The following OR52E5 variants were observed in gnomAD, a reference collection of about 807,000 sequenced individuals.
OR52E5 encodes the protein olfactory receptor family 52 subfamily E member 5.
At position 5,900,351 on chromosome 11, in the gene OR52E5, C is replaced by T. The variant is rs140330680; in HGVS notation, c.-145-281C>T. Among the ~76,000 whole-genome samples, 905 of 142,224 alleles carry T rather than the reference C, an allele frequency of 6.4e-3. 10 individuals carry two copies. Among genetic ancestry groups the T allele is most frequent in the Non-Finnish European group, 6.4e-3 (422 of 65,870 alleles). The allele number at this position is 142,224 out of a possible 152,430, so 93.3% of individuals were successfully genotyped here. On this transcript the variant is annotated intron_variant, in intron 2 of 2. Transcript: ENST00000610445. ...TATCATTCCTCTTATCATTTTCCTCCTCAATCTCAGTCCAGTGACATTTTA... is the reference window on the plus strand; with the variant it reads ...TATCATTCCTCTTATCATTTTCCTCTTCAATCTCAGTCCAGTGACATTTTA...
chr11:5,895,892 T>C (rs887438986), intron 2 of OR52E5, among the ~76,000 whole-genome samples, 179 bp downstream of exon 2: 6 of 151,786 alleles, frequency 4.0e-5, no homozygotes, highest in African/African-American at 1.5e-4. Flanking sequence ...CTACTAAAAA[T>C]ACAAAAATTA....
intron 1 of OR52E5, among the ~76,000 whole-genome samples, chr11:5,894,202 T>C (rs1847142014): frequency 6.6e-6 from 1 of 152,280 alleles, no homozygotes; most frequent in South Asian, 2.1e-4. Flanking sequence ...GTGGTAGATA[T>C]TCGCCAGTGG....
At chr11:5,898,312 A>C (rs1210488973) in intron 2 of OR52E5, among the ~76,000 whole-genome samples, 1 of 152,048 alleles carries the variant, frequency 6.6e-6, no homozygotes, top group African/African-American at 2.4e-5. Flanking sequence ...TAATTATTTA[A>C]GTCCTTATTG....
chr11:5,902,729 G>A lies in OR52E5; in HGVS notation c.*969G>A, dbSNP rs1847273226. On this transcript the variant is annotated 3_prime_UTR_variant, in exon 3 of 3. Transcript: ENST00000610445. The stretch of plus-strand genomic sequence containing the variant: ...CAATTTATTTCTTTGGGTATTCTAG[G>A]AGCTGCAAAAATGTGAAGTTGGCTC... 6.6e-6 allele frequency: 1 copy of A among 152,122 alleles called. No individual in the cohort carries two copies. The highest frequency in any genetic ancestry group is 2.4e-5 in the African/African-American group (1 of 41,410). The allele number at this position is 152,122 out of a possible 1,614,324, so 9.4% of individuals were successfully genotyped here.
rs1847246106 is a variant in OR52E5, at chr11:5,901,169, CCT to C, written c.394_395del (p.Leu132GlufsTer3). On this transcript the variant is annotated frameshift_variant, in exon 3 of 3. Transcript: ENST00000610445. LOFTEE classifies it low-confidence loss of function (END_TRUNC). ...IDRYIAICNP[L>X]RYSMILTNKV... The stretch of plus-strand genomic sequence containing the variant: ...ATCGCTATATTGCCATCTGCAACCC[CCT>C]GAGATATAGCATGATCCTTACCAAC... The C allele has an allele frequency of 2.5e-6, 1 of 401,510 alleles. No homozygotes were observed. The highest frequency in any genetic ancestry group is 4.4e-6 in the Non-Finnish European group (1 of 226,352). The allele number at this position is 401,510 out of a possible 1,614,324, so 24.9% of individuals were successfully genotyped here. A position where few individuals can be genotyped will look rare whatever the true frequency, so the allele number is the denominator to read the frequency against.
intron 1 of OR52E5, among the ~76,000 whole-genome samples, chr11:5,893,852 T>A (rs1847137900): frequency 6.6e-6 from 1 of 152,104 alleles, no homozygotes; most frequent in Non-Finnish European, 1.5e-5. Flanking sequence ...GTGGGACAAC[T>A]TAGAGAGATC....
chr11:5,899,620 G>A (rs555625808), intron 2 of OR52E5, among the ~76,000 whole-genome samples: 169 of 152,230 alleles, frequency 1.1e-3, no homozygotes, highest in African/African-American at 3.8e-3. Context: ...GGCACTGCCC[G>A]AATCTGACTA....
chr11:5,898,173 A>G (rs539522878), intron 2 of OR52E5, among the ~76,000 whole-genome samples: 1 of 152,106 alleles, frequency 6.6e-6, no homozygotes, highest in South Asian at 2.1e-4. Flanking sequence ...TGTGGTTTTA[A>G]GTTGCACTTT....
intron 2 of OR52E5, among the ~76,000 whole-genome samples, chr11:5,897,393 TTC>T (rs778131579): frequency 1.1e-4 from 17 of 152,352 alleles, no homozygotes; most frequent in Non-Finnish European, 2.1e-4. Context: ...CTATTTGGTT[TTC>T]TGTTTCTGCA....
At position 5,901,473 on chromosome 11, in the gene OR52E5, C is replaced by T. The variant is rs1167973930; in HGVS notation, c.697C>T (p.Arg233Trp). ...AVFHLPAWDA[R>W]PKALSTCGSH... is the part of the protein sequence containing the mutation. ...CTTCCATCTCCCAGCCTGGGATGCC[C>T]GGCCTAAGGCACTCAGCACATGTGG... Residue 233 changes from arginine (R) to tryptophan (W), a missense_variant, in exon 3 of 3, where the codon CGG (arginine) becomes TGG (tryptophan). Physicochemically the swap from Arg to Trp is moderately radical, Grantham distance 101. Transcript: ENST00000610445. The T allele has an allele frequency of 1.7e-5, 7 of 401,582 alleles. No individual in the cohort carries two copies. Among genetic ancestry groups the T allele is most frequent in the Admixed American group, 4.4e-5 (1 of 22,692 alleles). The allele number at this position is 401,582 out of a possible 1,614,324, so 24.9% of individuals were successfully genotyped here.
chr11:5,900,292 ATTC>A (rs976860228), intron 2 of OR52E5, among the ~76,000 whole-genome samples: 41 of 152,232 alleles, frequency 2.7e-4, no homozygotes, highest in Admixed American at 9.8e-4. Flanking sequence ...CACAGAGAAT[ATTC>A]TTAATTTCTC....
At chr11:5,899,348 T>C (rs1029595445) in intron 2 of OR52E5, among the ~76,000 whole-genome samples, 2 of 152,168 alleles carry the variant, frequency 1.3e-5, no homozygotes, top group Non-Finnish European at 1.5e-5. Context: ...CAGGAAATGA[T>C]CATATCATAA....
chr11:5,896,437 A>C (rs1455952808), intron 2 of OR52E5, among the ~76,000 whole-genome samples: 1 of 150,700 alleles, frequency 6.6e-6, no homozygotes, highest in African/African-American at 2.4e-5. Flanking sequence ...AAAAAAAAAA[A>C]ATCAGAGAAG....
chr11:5,897,123 G>A (rs1044220031), intron 2 of OR52E5, among the ~76,000 whole-genome samples: 3 of 152,158 alleles, frequency 2.0e-5, no homozygotes, highest in African/African-American at 7.2e-5. Flanking sequence ...CTTTTGTATT[G>A]TAAACATAAC....
At chr11:5,895,580 T>C (rs1847162130) in intron 1 of OR52E5, 52 bp from the exon 2 acceptor site, 1 of 152,228 alleles carries the variant, frequency 6.6e-6, no homozygotes, top group Non-Finnish European at 1.5e-5. Context: ...TCTTTGTAAA[T>C]AGCCATGAAT....
rs56197568 is a variant in OR52E5, at chr11:5,896,246, T to TAA, written c.-146+557_-146+558dup. 2.8e-3 allele frequency among the ~76,000 whole-genome samples: 148 copies of TAA among 53,538 alleles called. 12 individuals carry two copies. The highest frequency in any genetic ancestry group is 0.012 in the African/African-American group (131 of 11,134). The allele number at this position is 53,538 out of a possible 152,430, so 35.1% of individuals were successfully genotyped here. The stretch of plus-strand genomic sequence containing the variant: ...TAACATGGTGAAACCTCGTCTCTAC[T>TAA]AAAAAAAAAAAAAAAAAAAAAAAAA... On this transcript the variant is annotated intron_variant, in intron 2 of 2. Coordinates refer to ENST00000610445, the MANE Select transcript of OR52E5 (RefSeq NM_001005166.5).
intron 2 of OR52E5, among the ~76,000 whole-genome samples, chr11:5,899,984 C>G (rs987001906): frequency 1.3e-5 from 2 of 152,140 alleles, no homozygotes; most frequent in Non-Finnish European, 2.9e-5. Context: ...GAGACAATTA[C>G]ACTGCCACTA....
Position 5,901,384 on chromosome 11 carries a change from T to C in OR52E5, c.608T>C (p.Phe203Ser), listed in dbSNP as rs934212570. The C allele has an allele frequency of 7.5e-6, 3 of 401,490 alleles. No homozygotes were observed. Among genetic ancestry groups the C allele is most frequent in the Admixed American group, 8.8e-5 (2 of 22,714 alleles). The allele number at this position is 401,490 out of a possible 1,614,324, so 24.9% of individuals were successfully genotyped here. A position where few individuals can be genotyped will look rare whatever the true frequency, so the allele number is the denominator to read the frequency against. ...AATGTTATATATGGATTGATTGCCT[T>C]CTCAGTGGGATACATTGACATTTCT... ...SINVIYGLIA[F>S]SVGYIDISVI... Residue 203 changes from phenylalanine to serine, a missense_variant, in exon 3 of 3, where the codon TTC becomes TCC. By Grantham distance (155) the Phe-to-Ser change is radical. Coordinates refer to ENST00000610445, the MANE Select transcript of OR52E5 (RefSeq NM_001005166.5).
chr11:5,896,597 AG>A (rs1423671632), intron 2 of OR52E5, among the ~76,000 whole-genome samples: 2 of 152,150 alleles, frequency 1.3e-5, no homozygotes, highest in Non-Finnish European at 2.9e-5. Context: ...GAGGGTCTGG[AG>A]AAATATTTCT....
Sources: allele counts gnomAD v4.1 joint callset (sites outside exome capture counted in the v4.1 genomes callset), GRCh38; gene constraint gnomAD v4.1.1; transcripts MANE v1.5; gene names NCBI Gene and HGNC (gene_info 2026-07-23, HGNC 2026-07-21).